FILIP1: variants seen among roughly 807,000 people sequenced by gnomAD.
The protein encoded by FILIP1 is filamin-A-interacting protein 1.
FILIP1 carries 61 observed loss-of-function variants against 102.1 expected under a neutral mutation model. The observed-to-expected ratio is 0.60, with a 90% CI of 0.49 to 0.74. The LOEUF (loss-of-function observed/expected upper bound fraction) is 0.74, where lower values mean the gene tolerates loss of function less well. Ranked by LOEUF, FILIP1 falls within the 30% of genes least tolerant of loss-of-function variation. The pLI, the probability that FILIP1 is intolerant of heterozygous loss-of-function variation, is 0.00. For synonymous variants in FILIP1, 491 were observed against 526.9 expected (o/e 0.93, Z 0.93); for missense variants, 1,314 against 1,441.2 (o/e 0.91, Z 1.43).
At chr6:75,380,101 C>T (rs1461819612) in intron 2 of FILIP1, among the ~76,000 whole-genome samples, 1 of 151,818 alleles carries the variant, frequency 6.6e-6, no homozygotes, top group Non-Finnish European at 1.5e-5. Context: ...AATGAATATA[C>T]ATGGGTAGTT....
At chr6:75,296,501 T>TATTATC (rs1454857384) in intron 6 of FILIP1, 1 of 147,228 alleles carries the variant, frequency 6.8e-6, no homozygotes, top group East Asian at 2.0e-4. Context: ...TTATTATTAT[T>TATTATC]ATTATTATTA....
At chr6:75,310,655 G>A (rs1773150720) in intron 5 of FILIP1, among the ~76,000 whole-genome samples, 1 of 152,200 alleles carries the variant, frequency 6.6e-6, no homozygotes, top group African/African-American at 2.4e-5. Context: ...AAAATGGTAA[G>A]AAAATGTTAC....
chr6:75,484,906 C>A (rs1779741716), intron 1 of FILIP1, among the ~76,000 whole-genome samples: 1 of 152,150 alleles, frequency 6.6e-6, no homozygotes, highest in Non-Finnish European at 1.5e-5. Flanking sequence ...CTGTTAATAT[C>A]TTAAAAATTA....
intron 3 of FILIP1, chr6:75,361,770 T>C (rs545808252): frequency 6.6e-6 from 1 of 152,342 alleles, no homozygotes; most frequent in African/African-American, 2.4e-5. Flanking sequence ...CATACACAGC[T>C]AGCAGTGGTA....
intron 1 of FILIP1, among the ~76,000 whole-genome samples, chr6:75,416,598 A>AAAAAG: frequency 6.6e-6 from 1 of 152,216 alleles, no homozygotes; most frequent in South Asian, 2.1e-4. Context: ...AAAAAAAAAA[A>AAAAAG]AAAAGAAGTG....
intron 4 of FILIP1, among the ~76,000 whole-genome samples, chr6:75,347,447 G>T (rs1445349141): frequency 6.6e-6 from 1 of 152,192 alleles, no homozygotes; most frequent in Non-Finnish European, 1.5e-5. Flanking sequence ...TCCACATATG[G>T]ATTACTTTCT....
intron 2 of FILIP1, among the ~76,000 whole-genome samples, chr6:75,393,723 A>G (rs866458609): frequency 6.6e-6 from 1 of 152,204 alleles, no homozygotes; most frequent in African/African-American, 2.4e-5. Context: ...TTACGAAACC[A>G]TTTATATCTA....
At chr6:75,486,244 C>T (rs1562668245) in intron 1 of FILIP1, among the ~76,000 whole-genome samples, 1 of 152,154 alleles carries the variant, frequency 6.6e-6, no homozygotes, top group African/African-American at 2.4e-5. Flanking sequence ...AAATCAAATG[C>T]TCCATGGCAT....
chr6:75,472,379 G>A (rs960840287), intron 1 of FILIP1, among the ~76,000 whole-genome samples: 1 of 152,060 alleles, frequency 6.6e-6, no homozygotes, highest in African/African-American at 2.4e-5. Flanking sequence ...ACATTTGAAT[G>A]TTAATTTAAT....
At chr6:75,416,489 G>A (rs1040281692) in intron 1 of FILIP1, among the ~76,000 whole-genome samples, 1 of 150,238 alleles carries the variant, frequency 6.7e-6, no homozygotes, top group Non-Finnish European at 1.5e-5. Context: ...AAGAATAGAA[G>A]TTTCTTTGTA....
At chr6:75,301,715 T>TA (rs1352347210) in intron 6 of FILIP1, among the ~76,000 whole-genome samples, 2 of 152,174 alleles carry the variant, frequency 1.3e-5, no homozygotes, top group Admixed American at 1.3e-4. Context: ...GCCAGAATCA[T>TA]AAAAAATTAT....
intron 2 of FILIP1, among the ~76,000 whole-genome samples, chr6:75,401,648 G>A (rs908438297): frequency 6.6e-6 from 1 of 152,050 alleles, no homozygotes; most frequent in African/African-American, 2.4e-5. Context: ...ACAGGACAAG[G>A]CATATATAGA....
At chr6:75,468,463 G>A (rs562371881) in intron 1 of FILIP1, among the ~76,000 whole-genome samples, 85 of 152,244 alleles carry the variant, frequency 5.6e-4, no homozygotes, top group African/African-American at 1.9e-3. Context: ...GAAAGTACAC[G>A]TATTGAAATA....
chr6:75,405,633 T>G (rs547289658), intron 2 of FILIP1, among the ~76,000 whole-genome samples: 74 of 152,196 alleles, frequency 4.9e-4, no homozygotes, highest in African/African-American at 1.7e-3. Context: ...CAATGGTGAG[T>G]GCACTTGACA....
chr6:75,439,258 C>T (rs1002324846), intron 1 of FILIP1, among the ~76,000 whole-genome samples: 2 of 151,890 alleles, frequency 1.3e-5, no homozygotes, highest in Admixed American at 1.3e-4. Flanking sequence ...CCCAGCTACT[C>T]GGGAGGCTGA....
intron 4 of FILIP1, among the ~76,000 whole-genome samples, chr6:75,348,366 T>A (rs1774668945): frequency 6.6e-6 from 1 of 152,192 alleles, no homozygotes. Context: ...ATTAATACAA[T>A]AAAAAATATT....
chr6:75,461,897 AT>A, intron 1 of FILIP1, among the ~76,000 whole-genome samples: 2 of 152,222 alleles, frequency 1.3e-5, no homozygotes, highest in Middle Eastern at 6.8e-3. Context: ...AATAGGAAGT[AT>A]TTTCTCAAAG....
At position 75,315,053 on chromosome 6, in the gene FILIP1, T is replaced by G; in HGVS notation, c.779A>C (p.Gln260Pro). 3.1e-6 allele frequency: 5 copies of G among 1,614,180 alleles called. No individual in the cohort carries two copies. Among genetic ancestry groups the G allele is most frequent in the Non-Finnish European group, 4.2e-6 (5 of 1,180,010 alleles). ...TACTTTCTGGCTTTGCAGGCCAAGT[T>G]GTTCAATGTGCATTTGTCTTTCATC... ...LVDERQMHIE[Q>P]LGLQSQKVQD... The change falls in exon 5 of 6, where the codon CAA (glutamine) becomes CCA (proline). Residue 260 changes from glutamine (Q) to proline (P), a missense_variant. Physicochemically the swap from Gln to Pro is moderately conservative, Grantham distance 76. This residue lies in a region of FILIP1 where 494 missense variants were observed against 511.2 expected (regional missense o/e 0.97). Coordinates refer to ENST00000237172, the MANE Select transcript of FILIP1 (RefSeq NM_015687.5).
intron 1 of FILIP1, among the ~76,000 whole-genome samples, chr6:75,455,550 GT>G (rs1778801336): frequency 6.6e-6 from 1 of 152,116 alleles, no homozygotes. Flanking sequence ...TTTGTAAATT[GT>G]GGGGGGAAAA....
Sources: gnomAD v4.1 joint callset for allele counts (sites outside exome capture counted in the v4.1 genomes callset) on GRCh38, gnomAD v4.1.1 for gene constraint, gnomAD v4.1.1 regional missense constraint, MANE v1.5 for transcripts, NCBI Gene and HGNC (gene_info 2026-07-23, HGNC 2026-07-21) for gene names.